IWS1: variants seen among roughly 807,000 people sequenced by gnomAD.
IWS1 encodes the protein interacts with SUPT6H, CTD assembly factor 1, also known as protein IWS1 homolog.
Under a neutral mutation model 86.7 loss-of-function variants are expected in IWS1, and 27 were observed. That is an observed-to-expected ratio of 0.31 (90% CI 0.23 to 0.43). The LOEUF (loss-of-function observed/expected upper bound fraction) is 0.43, where lower values mean the gene tolerates loss of function less well. Ranked by LOEUF, IWS1 falls within the 20% of genes least tolerant of loss-of-function variation. The pLI, the probability that IWS1 is intolerant of heterozygous loss-of-function variation, is 1.00. For missense variants in IWS1, 827 were observed against 1,000.8 expected, an observed-to-expected ratio of 0.83 and a Z score of 2.34; for synonymous variants, 313 against 335.1, an observed-to-expected ratio of 0.93 and a Z score of 0.72.
chr2:127,502,264 C>T (rs1558754324), intron 5 of IWS1, among the ~76,000 whole-genome samples: 2 of 152,134 alleles, frequency 1.3e-5, no homozygotes, highest in African/African-American at 4.8e-5. Context: ...CCCCTAACCT[C>T]AATAGGCCCC....
intron 5 of IWS1, 25 bp downstream of exon 5, chr2:127,502,790 G>A (rs950317309): frequency 2.2e-6 from 3 of 1,333,700 alleles, no homozygotes; most frequent in Non-Finnish European, 3.2e-6. Flanking sequence ...CAATCAAGGA[G>A]GAAATATTTC....
At chr2:127,510,713 C>T (rs1468162304) in intron 2 of IWS1, among the ~76,000 whole-genome samples, 2 of 152,070 alleles carry the variant, frequency 1.3e-5, no homozygotes, top group Middle Eastern at 3.4e-3. Flanking sequence ...TCTCAAATGC[C>T]TGGCCTCAAG....
chr2:127,496,128 A>C lies in IWS1; in HGVS notation c.1586T>G (p.Phe529Cys). 1 of 1,613,422 alleles carries C rather than the reference A, an allele frequency of 6.2e-7. No individual in the cohort carries two copies. Among genetic ancestry groups the C allele is most frequent in the Non-Finnish European group, 8.5e-7 (1 of 1,179,772 alleles). The change falls in exon 7 of 14, where the codon TTT becomes TGT. Residue 529 changes from phenylalanine (F) to cysteine (C), a missense_variant. Physicochemically the swap from Phe to Cys is radical, Grantham distance 205. Transcript: ENST00000295321. ...CTTTTTTCGCTGCAACATCATCTCAAAATCTGACAGAAAGTCCATACTAAA... is the reference window on the plus strand; with the variant it reads ...CTTTTTTCGCTGCAACATCATCTCACAATCTGACAGAAAGTCCATACTAAA... The part of the protein sequence containing the change: ...RGKHMDFLSD[F>C]EMMLQRKKSM...
At position 127,509,860 on chromosome 2, in the gene IWS1, C is replaced by T. The variant is rs575916398; in HGVS notation, c.151-4108G>A. 3.3e-5 allele frequency among the ~76,000 whole-genome samples: 5 copies of T among 152,232 alleles called. No individual in the cohort carries two copies. The South Asian group carries it at 1.0e-3, about 32-fold the overall frequency. On this transcript the variant is annotated intron_variant, in intron 2 of 13. Coordinates refer to ENST00000295321, the MANE Select transcript of IWS1 (RefSeq NM_017969.3). ...CAAAGAATAACCACACTTCTTATGA[C>T]CAGGGCCACAATACACAGAGAGATA...
chr2:127,501,071 A>G (rs1279313169), intron 5 of IWS1, among the ~76,000 whole-genome samples: 1 of 152,188 alleles, frequency 6.6e-6, no homozygotes, highest in Non-Finnish European at 1.5e-5. Context: ...GTCAATACTC[A>G]TTTAGACTTA....
chr2:127,485,885 A>G (rs1466145373), intron 13 of IWS1: 1 of 152,620 alleles, frequency 6.6e-6, no homozygotes, highest in Non-Finnish European at 1.5e-5. Flanking sequence ...TCTCGTGTAT[A>G]TACTCTGGTA....
Position 127,505,438 on chromosome 2 carries a change from G to C in IWS1, c.465C>G (p.Pro155=). The part of the protein sequence containing the change: ...DSENEDVGKH[P]ASDSEIEELQ... ...GCTCCTCAATCTCAGAATCACTGGC[G>C]GGATGCTTCCCAACATCTTCGTTTT... Residue 155 remains proline, a synonymous_variant, in exon 3 of 14, where the codon CCC becomes CCG. Transcript: ENST00000295321. The surrounding 1 kb of genome is among the most constrained non-coding windows in gnomAD (Gnocchi z 5.0). 6.2e-7 allele frequency: 1 copy of C among 1,614,000 alleles called. No homozygotes were observed. Among genetic ancestry groups the C allele is most frequent in the Non-Finnish European group, 8.5e-7 (1 of 1,180,012 alleles).
intron 2 of IWS1, among the ~76,000 whole-genome samples, chr2:127,509,707 CAAAA>C (rs34526019): frequency 2.5e-4 from 14 of 55,482 alleles, no homozygotes; most frequent in Admixed American, 1.3e-3. Context: ...CACTCCATCT[CAAAA>C]AAAAAAAAAA....
Position 127,489,693 on chromosome 2 carries a change from T to C in IWS1, c.2159+139A>G. On this transcript the variant is annotated intron_variant, in intron 11 of 13. Transcript: ENST00000295321. This position sits in a 1 kb window ranked among gnomAD's most constrained non-coding sequence, Gnocchi z 4.8. ...CACTATCACATTTAAACTAAAAGGA[T>C]ATTATGAATTATGTACACATATCAA... is the stretch of plus-strand genomic sequence containing the variant. 1 of 668,650 alleles carries C rather than the reference T, an allele frequency of 1.5e-6. No homozygotes were observed. Among genetic ancestry groups the C allele is most frequent in the South Asian group, 1.8e-5 (1 of 56,768 alleles). 41.4% of individuals were successfully genotyped at this position (668,650 alleles called of 1,614,324 possible). A position where few individuals can be genotyped will look rare whatever the true frequency, so the allele number is the denominator to read the frequency against.
chr2:127,502,686 A>G (rs1468439326), intron 5 of IWS1, 129 bp downstream of exon 5: 21 of 493,756 alleles, frequency 4.3e-5, no homozygotes, highest in Admixed American at 7.2e-5. Flanking sequence ...TCCCTCTTCT[A>G]GATTTTTATC....
chr2:127,500,239 AG>A (rs1238445921), intron 5 of IWS1, among the ~76,000 whole-genome samples: 3 of 152,224 alleles, frequency 2.0e-5, no homozygotes, highest in Non-Finnish European at 4.4e-5. Flanking sequence ...ACAAAATGAA[AG>A]GTATTTTTAA....
Position 127,499,921 on chromosome 2 carries a change from GA to G in IWS1, c.1468-1685del, listed in dbSNP as rs981211040. On this transcript the variant is annotated intron_variant, in intron 5 of 13. Transcript: ENST00000295321. This position sits in a 1 kb window ranked among gnomAD's most constrained non-coding sequence, Gnocchi z 4.0. ...GGGTCAACTGGATACTTCAAATAAGGAAAAAAATCTTGACTCTTACCTCATA... is the reference window on the plus strand; with the variant it reads ...GGGTCAACTGGATACTTCAAATAAGGAAAAAATCTTGACTCTTACCTCATA... 1.3e-5 allele frequency among the ~76,000 whole-genome samples: 2 copies of G among 151,864 alleles called. No homozygotes were observed. The highest frequency in any genetic ancestry group is 2.9e-5 in the Non-Finnish European group (2 of 67,934).
At chr2:127,526,535 T>G (rs1046668434), upstream of IWS1, 11 of 1,457,438 alleles carry the variant, frequency 7.5e-6, no homozygotes, top group Non-Finnish European at 9.2e-6. Flanking sequence ...CCGCAACCCG[T>G]CAACCGGCCA....
At position 127,505,376 on chromosome 2, in the gene IWS1, T is replaced by C. The variant is rs1275363197; in HGVS notation, c.527A>G (p.Asp176Gly). The part of the protein sequence containing the change: ...KSPASDSETE[D>G]ALKPQISDSE... ...GTCACTGATTTGAGGTTTTAGAGCA[T>C]CTTCTGTTTCAGAGTCACTAGCAGG... The change falls in exon 3 of 14, where the codon GAT (aspartate) becomes GGT (glycine). Residue 176 changes from aspartate (D) to glycine (G), a missense_variant. Asp to Gly is a moderately conservative substitution (Grantham distance 94). Coordinates refer to ENST00000295321, the MANE Select transcript of IWS1 (RefSeq NM_017969.3). The surrounding 1 kb of genome is among the most constrained non-coding windows in gnomAD (Gnocchi z 5.0). 6.2e-7 allele frequency: 1 copy of C among 1,614,118 alleles called. No individual in the cohort carries two copies. Among genetic ancestry groups the C allele is most frequent in the East Asian group, 2.2e-5 (1 of 44,878 alleles).
chr2:127,502,927 G>T, intron 4 of IWS1, 55 bp from the exon 5 acceptor site: 1 of 989,518 alleles, frequency 1.0e-6, no homozygotes. Flanking sequence ...ATTTGCATAG[G>T]AACCATTTTT....
chr2:127,505,019 G>T lies in IWS1; in HGVS notation c.884C>A (p.Pro295His). 1 of 1,612,566 alleles carries T rather than the reference G, an allele frequency of 6.2e-7. No homozygotes were observed. Among genetic ancestry groups the T allele is most frequent in the African/African-American group, 1.3e-5 (1 of 74,738 alleles). Residue 295 changes from proline (P) to histidine (H), a missense_variant, in exon 3 of 14, where the codon CCC (proline) becomes CAC (histidine). Pro to His is a moderately conservative substitution (Grantham distance 77, BLOSUM62 -2). Around this residue, in one of 2 missense-constraint regions of IWS1, gnomAD observed 548 missense variants for 560.2 expected, o/e 0.98. Coordinates refer to ENST00000295321, the MANE Select transcript of IWS1 (RefSeq NM_017969.3). This position sits in a 1 kb window ranked among gnomAD's most constrained non-coding sequence, Gnocchi z 5.0. ...QASDSENEEL[P>H]KPRVSDSESE... ...CTCAGAGTCACTGACTCGGGGTTTG[G>T]GTAGCTCCTCATTTTCCGAATCACT...
At chr2:127,495,095 T>C (rs1182059362) in intron 7 of IWS1, 141 bp from the exon 8 acceptor site, 2 of 564,442 alleles carry the variant, frequency 3.5e-6, no homozygotes, top group African/African-American at 1.9e-5. Flanking sequence ...AAGATGGATC[T>C]TCTGCAGAGC....
chr2:127,496,765 AG>A (rs1341718954), intron 6 of IWS1, among the ~76,000 whole-genome samples: 1 of 152,052 alleles, frequency 6.6e-6, no homozygotes, highest in East Asian at 1.9e-4. Context: ...AGAGACAGGG[AG>A]GGCCTCACTA....
chr2:127,505,786 G>T lies in IWS1; in HGVS notation c.151-34C>A. 5 of 1,127,270 alleles carry T rather than the reference G, an allele frequency of 4.4e-6. No homozygotes were observed. Among genetic ancestry groups the T allele is most frequent in the South Asian group, 4.0e-5 (2 of 49,448 alleles). The allele number at this position is 1,127,270 out of a possible 1,614,324, so 69.8% of individuals were successfully genotyped here. A position where few individuals can be genotyped will look rare whatever the true frequency, so the allele number is the denominator to read the frequency against. On this transcript the variant is annotated intron_variant, in intron 2 of 13. Transcript: ENST00000295321. The surrounding 1 kb of genome is among the most constrained non-coding windows in gnomAD (Gnocchi z 5.0). ...TAAAGTGAGAAAAAATTAGGAAAGT[G>T]CAAAAAAAAAAAAACCATTAATAAT...
Sources: gnomAD v4.1 joint callset for allele counts (sites outside exome capture counted in the v4.1 genomes callset) on GRCh38, gnomAD v4.1.1 for gene constraint, gnomAD v4.1.1 regional missense constraint, Gnocchi (gnomAD v3.1) non-coding constraint, MANE v1.5 for transcripts, NCBI Gene and HGNC (gene_info 2026-07-23, HGNC 2026-07-21) for gene names.